Variants in PARD3B observed in about 807,000 individuals in gnomAD.
PARD3B encodes par-3 family cell polarity regulator beta, also known as partitioning defective 3 homolog B.
A neutral mutation model predicts 130.2 loss-of-function variants in PARD3B; 103 were observed. The observed-to-expected ratio is 0.79, with a 90% CI of 0.67 to 0.93. PARD3B has a LOEUF of 0.93. Among genes scored for constraint, PARD3B ranks in the 40% least tolerant of loss-of-function variants. PARD3B has a pLI of 0.00. For synonymous variants in PARD3B, 583 were observed against 553.2 expected (o/e 1.05, Z -0.76); for missense variants, 1,609 against 1,499.2 (o/e 1.07, Z -1.21).
intron 18 of PARD3B, among the ~76,000 whole-genome samples, chr2:205,363,369 G>A (rs1272520787): frequency 2.0e-5 from 3 of 152,120 alleles, no homozygotes; most frequent in Non-Finnish European, 4.4e-5. Flanking sequence ...AAATCCATAG[G>A]TTTTCCAAGA....
At chr2:204,722,349 G>T (rs2039034461) in intron 2 of PARD3B, among the ~76,000 whole-genome samples, 1 of 152,094 alleles carries the variant, frequency 6.6e-6, no homozygotes, top group African/African-American at 2.4e-5. Flanking sequence ...CTTGTATCTT[G>T]GGACTAGTTT....
At chr2:205,346,555 G>A (rs1402950280) in intron 18 of PARD3B, among the ~76,000 whole-genome samples, 1 of 152,086 alleles carries the variant, frequency 6.6e-6, no homozygotes. Context: ...AGGCTTCTAT[G>A]GGATTTAAGT....
intron 3 of PARD3B, among the ~76,000 whole-genome samples, chr2:205,028,835 G>A (rs7585581): frequency 0.49 from 74,392 of 151,896 alleles, 18,558 homozygotes; most frequent in South Asian, 0.6. Flanking sequence ...AGTAAAGTTC[G>A]GGATATAAAA....
At position 205,105,816 on chromosome 2, in the gene PARD3B, T is replaced by C. The variant is rs572569116; in HGVS notation, c.593+1302T>C. The stretch of plus-strand genomic sequence containing the variant: ...CGGGGGGATATGGGGTAGGGAGTAA[T>C]AGAAAATCTTCAAGCACCATCTTTT... On this transcript the variant is annotated intron_variant, in intron 5 of 22. Coordinates refer to ENST00000406610, the MANE Select transcript of PARD3B (RefSeq NM_001302769.2). This position sits in a 1 kb window ranked among gnomAD's most constrained non-coding sequence, Gnocchi z 4.0. Among the ~76,000 whole-genome samples, 28 of 151,308 alleles carry C rather than the reference T, an allele frequency of 1.9e-4. No homozygotes were observed. In the South Asian group the frequency reaches 4.4e-3, roughly 24 times the overall value.
chr2:205,561,979 C>T (rs1310228867), intron 22 of PARD3B, among the ~76,000 whole-genome samples: 3 of 152,158 alleles, frequency 2.0e-5, no homozygotes, highest in African/African-American at 4.8e-5. Context: ...CCCCTGATAC[C>T]ACCTCAGTCT....
At chr2:205,179,409 G>C (rs556984571) in intron 13 of PARD3B, among the ~76,000 whole-genome samples, 47 of 152,250 alleles carry the variant, frequency 3.1e-4, no homozygotes, top group Admixed American at 5.2e-4. Context: ...CTCACTCACT[G>C]ACTCACCCAG....
At chr2:205,520,346 GC>G (rs1480076159) in intron 21 of PARD3B, among the ~76,000 whole-genome samples, 1 of 152,136 alleles carries the variant, frequency 6.6e-6, no homozygotes, top group East Asian at 1.9e-4. Context: ...GTCGACTACA[GC>G]TTGTTGGAGG....
intron 2 of PARD3B, among the ~76,000 whole-genome samples, chr2:204,952,975 C>T (rs1007772741): frequency 5.1e-5 from 7 of 136,330 alleles, no homozygotes; most frequent in Non-Finnish European, 6.1e-5. Context: ...CCAGCCTGGG[C>T]GACAGTGCGA....
intron 1 of PARD3B, among the ~76,000 whole-genome samples, chr2:204,564,496 A>T (rs1341516287): frequency 6.6e-6 from 1 of 152,064 alleles, no homozygotes; most frequent in African/African-American, 2.4e-5. Flanking sequence ...GGAACGTTTC[A>T]TGTGCGTTAT....
intron 3 of PARD3B, among the ~76,000 whole-genome samples, chr2:204,985,816 C>T (rs569390873): frequency 1.3e-5 from 2 of 152,102 alleles, no homozygotes; most frequent in African/African-American, 4.8e-5. Context: ...TTGAAAAAGG[C>T]TTAGCTAGGC....
At chr2:204,686,565 A>C (rs1391946175) in intron 2 of PARD3B, among the ~76,000 whole-genome samples, 4 of 152,166 alleles carry the variant, frequency 2.6e-5, no homozygotes, top group African/African-American at 9.7e-5. Context: ...GGCTGTTGGA[A>C]TCATCATTGT....
intron 2 of PARD3B, among the ~76,000 whole-genome samples, chr2:204,779,753 C>A (rs1156607932): frequency 1.3e-5 from 2 of 152,074 alleles, no homozygotes; most frequent in African/African-American, 2.4e-5. Context: ...AGGCCAGGTC[C>A]CACTCCAACA....
At chr2:205,331,196 A>G (rs79137992) in intron 18 of PARD3B, among the ~76,000 whole-genome samples, 8,574 of 152,180 alleles carry the variant, frequency 0.056, 342 homozygotes, top group Admixed American at 0.11. Context: ...ACATACAAAC[A>G]CACACACAGA....
chr2:204,648,945 AGATAT>A (rs2125165643), intron 1 of PARD3B, among the ~76,000 whole-genome samples: 1 of 29,384 alleles, frequency 3.4e-5, no homozygotes. Flanking sequence ...TATTTATAAT[AGATAT>A]CATATAAATA....
At chr2:204,558,150 T>C (rs988143039) in intron 1 of PARD3B, 1 of 152,172 alleles carries the variant, frequency 6.6e-6, no homozygotes, top group African/African-American at 2.4e-5. Flanking sequence ...AGGTTTTCTC[T>C]CAGTTTAGTC....
intron 11 of PARD3B, among the ~76,000 whole-genome samples, chr2:205,165,013 C>T (rs1228127385): frequency 6.6e-6 from 1 of 151,838 alleles, no homozygotes; most frequent in African/African-American, 2.4e-5. Context: ...AAGCAAGTGC[C>T]AAGTGCATAA....
At chr2:205,155,750 G>A (rs1166956984) in intron 10 of PARD3B, among the ~76,000 whole-genome samples, 2 of 152,128 alleles carry the variant, frequency 1.3e-5, no homozygotes, top group Non-Finnish European at 1.5e-5. Flanking sequence ...TAACTGGTGT[G>A]AGATGGTATC....
At chr2:204,911,951 TTAAA>T (rs1324291310) in intron 2 of PARD3B, among the ~76,000 whole-genome samples, 11 of 152,086 alleles carry the variant, frequency 7.2e-5, no homozygotes, top group African/African-American at 2.7e-4. Flanking sequence ...TGAAATATAC[TTAAA>T]TAATGTTTCA....
intron 22 of PARD3B, among the ~76,000 whole-genome samples, chr2:205,596,570 A>T (rs1251007589): frequency 6.6e-6 from 1 of 152,132 alleles, no homozygotes; most frequent in Admixed American, 6.5e-5. Context: ...GAAAATTATC[A>T]TGGGGTGCTT....
Sources: allele counts gnomAD v4.1 joint callset (sites outside exome capture counted in the v4.1 genomes callset), GRCh38; gene constraint gnomAD v4.1.1; non-coding constraint Gnocchi (gnomAD v3.1); transcripts MANE v1.5; gene names NCBI Gene and HGNC (gene_info 2026-07-23, HGNC 2026-07-21).